Variants in CDC14A observed in about 807,000 individuals in gnomAD.
CDC14A encodes the protein cell division cycle 14A, also known as dual specificity protein phosphatase CDC14A.
CDC14A carries 53 observed loss-of-function variants against 74.4 expected under a neutral mutation model. The observed-to-expected ratio is 0.71, with a 90% CI of 0.57 to 0.89. The LOEUF is 0.89. Among genes scored for constraint, CDC14A ranks in the 40% least tolerant of loss-of-function variants. CDC14A has a pLI of 0.00. For missense variants in CDC14A, 646 were observed against 713.7 expected, an observed-to-expected ratio of 0.91 and a Z score of 1.08; for synonymous variants, 247 against 258.4, an observed-to-expected ratio of 0.96 and a Z score of 0.43.
intron 12 of CDC14A, 88 bp from the exon 13 acceptor site, chr1:100,495,914 C>T (rs1647710848): frequency 3.8e-6 from 4 of 1,054,516 alleles, no homozygotes; most frequent in South Asian, 1.3e-5. Context: ...AATATTTTTA[C>T]TGGTTTGATA....
intron 4 of CDC14A, among the ~76,000 whole-genome samples, chr1:100,399,492 A>T (rs1658972616): frequency 6.6e-6 from 1 of 152,214 alleles, no homozygotes; most frequent in Non-Finnish European, 1.5e-5. Context: ...AATTTCATGT[A>T]AACTTTGCAT....
chr1:100,432,788 T>C (rs1304434088), intron 5 of CDC14A, among the ~76,000 whole-genome samples: 1 of 152,238 alleles, frequency 6.6e-6, no homozygotes, highest in Non-Finnish European at 1.5e-5. Context: ...TGAGGCTCTC[T>C]TTTGAGGATG....
chr1:100,463,211 A>G (rs1325433901), intron 9 of CDC14A, among the ~76,000 whole-genome samples: 2 of 152,152 alleles, frequency 1.3e-5, no homozygotes, highest in Non-Finnish European at 2.9e-5. Flanking sequence ...CTCAAGAGAC[A>G]AGGGTTGTTA....
intron 9 of CDC14A, among the ~76,000 whole-genome samples, chr1:100,467,404 C>T (rs560495444): frequency 6.0e-5 from 9 of 150,574 alleles, no homozygotes; most frequent in South Asian, 4.3e-4. Flanking sequence ...TTTACACACG[C>T]GCGCACACAC....
At chr1:100,421,316 T>C (rs569334521) in intron 4 of CDC14A, among the ~76,000 whole-genome samples, 54 of 152,346 alleles carry the variant, frequency 3.5e-4, no homozygotes, top group African/African-American at 1.2e-3. Flanking sequence ...ATGATTCTGC[T>C]GAGAGAAGGC....
intron 11 of CDC14A, 33 bp from the exon 12 acceptor site, chr1:100,494,785 T>C (rs1647537535): frequency 7.8e-7 from 1 of 1,282,320 alleles, no homozygotes; most frequent in African/African-American, 1.5e-5. Flanking sequence ...AGCCAAATTT[T>C]GACCTTTCTA....
At position 100,412,708 on chromosome 1, in the gene CDC14A, A is replaced by ATT. The variant is rs1209770760; in HGVS notation, c.310-11513_310-11512insTT. On this transcript the variant is annotated intron_variant, in intron 4 of 15. Coordinates refer to ENST00000336454, the MANE Select transcript of CDC14A (RefSeq NM_003672.4). ...CTTCCTGTATGTTTTATATATATAT[A>ATT]TATATATATATATATTTTATATATA... Among the ~76,000 whole-genome samples, 3 of 99,118 alleles carry ATT rather than the reference A, an allele frequency of 3.0e-5. 1 individual carries two copies. The highest frequency in any genetic ancestry group is 2.0e-4 in the African/African-American group (3 of 15,116). 65.0% of individuals were successfully genotyped at this position (99,118 alleles called of 152,430 possible).
chr1:100,472,584 A>G (rs555084530), intron 10 of CDC14A, among the ~76,000 whole-genome samples: 2 of 152,142 alleles, frequency 1.3e-5, no homozygotes, highest in Admixed American at 1.3e-4. Context: ...TTAAATTTTG[A>G]TGAAATCCCT....
chr1:100,428,211 G>A (rs1451750425), intron 5 of CDC14A, among the ~76,000 whole-genome samples: 6 of 152,146 alleles, frequency 3.9e-5, no homozygotes, highest in Admixed American at 6.5e-5. Context: ...GTTGACTTTA[G>A]AGATAGTTGA....
chr1:100,367,117 G>A (rs911867248), intron 2 of CDC14A, among the ~76,000 whole-genome samples: 1 of 152,088 alleles, frequency 6.6e-6, no homozygotes, highest in Non-Finnish European at 1.5e-5. Context: ...TCAAGTTTAG[G>A]AGTGCACTCA....
intron 15 of CDC14A, among the ~76,000 whole-genome samples, chr1:100,513,875 A>G (rs1464158564): frequency 6.6e-6 from 1 of 152,196 alleles, no homozygotes; most frequent in Non-Finnish European, 1.5e-5. Context: ...TCAGGGAACA[A>G]GACTTCTTGA....
chr1:100,419,115 G>A (rs1661929318), intron 4 of CDC14A, among the ~76,000 whole-genome samples: 1 of 152,192 alleles, frequency 6.6e-6, no homozygotes, highest in African/African-American at 2.4e-5. Flanking sequence ...GAGCCTTGGG[G>A]GTGGAGGTTG....
At chr1:100,429,726 A>T (rs1019533987) in intron 5 of CDC14A, among the ~76,000 whole-genome samples, 7 of 147,256 alleles carry the variant, frequency 4.8e-5, no homozygotes, top group African/African-American at 1.5e-4. Flanking sequence ...TATATATATT[A>T]TATATATATC....
At chr1:100,468,118 A>G in intron 10 of CDC14A, 24 bp downstream of exon 10, 3 of 1,612,868 alleles carry the variant, frequency 1.9e-6, no homozygotes, top group Non-Finnish European at 2.5e-6. Flanking sequence ...CCCCATTACC[A>G]CATTATATCC....
rs1647556416 is a variant in CDC14A, at chr1:100,494,861, C to T, written c.1181C>T (p.Thr394Ile). The T allele has an allele frequency of 1.9e-6, 3 of 1,613,214 alleles. No individual in the cohort carries two copies. Among genetic ancestry groups the T allele is most frequent in the Non-Finnish European group, 1.7e-6 (2 of 1,179,270 alleles). The change falls in exon 12 of 16, where the codon ACC becomes ATC. Residue 394 changes from threonine to isoleucine, a missense_variant. Thr to Ile is a moderately conservative substitution (Grantham distance 89). Transcript: ENST00000336454. ...GATGTGGAAATGAAAAATGGTATAA[C>T]CCAGGGAGACAAACTACGTGCCTTA... is the stretch of plus-strand genomic sequence containing the variant. ...DDDVEMKNGITQGDKLRALKS... is the reference protein window; with the variant it reads ...DDDVEMKNGIIQGDKLRALKS...
At chr1:100,380,520 G>A (rs1296346307) in intron 3 of CDC14A, among the ~76,000 whole-genome samples, 2 of 152,162 alleles carry the variant, frequency 1.3e-5, no homozygotes, top group African/African-American at 4.8e-5. Flanking sequence ...CACGAACCCA[G>A]ACTCCAGATT....
upstream of CDC14A, chr1:100,351,622 T>G: frequency 1.3e-6 from 1 of 757,726 alleles, no homozygotes. Context: ...CTCTCTCCTG[T>G]TCCCTCCGCG....
intron 13 of CDC14A, 70 bp downstream of exon 13, chr1:100,496,119 C>A: frequency 1.5e-6 from 2 of 1,330,706 alleles, no homozygotes; most frequent in Non-Finnish European, 2.2e-6. Flanking sequence ...GTTTCCCAAG[C>A]CTCAAACACG....
At chr1:100,427,119 T>TCATCATAA (rs1663054071) in intron 5 of CDC14A, among the ~76,000 whole-genome samples, 1 of 152,170 alleles carries the variant, frequency 6.6e-6, no homozygotes. Flanking sequence ...AATCTGGGTT[T>TCATCATAA]TATTATCACC....
Sources: allele counts gnomAD v4.1 joint callset (sites outside exome capture counted in the v4.1 genomes callset), GRCh38; gene constraint gnomAD v4.1.1; transcripts MANE v1.5; gene names NCBI Gene and HGNC (gene_info 2026-07-23, HGNC 2026-07-21).